DENND2B: variants seen among roughly 807,000 people sequenced by gnomAD.
DENND2B encodes DENN domain-containing protein 2B.
A neutral mutation model predicts 116.0 loss-of-function variants in DENND2B; 32 were observed. That is an observed-to-expected ratio of 0.28 (90% CI 0.21 to 0.37). The LOEUF (loss-of-function observed/expected upper bound fraction) is 0.37. Among genes scored for constraint, DENND2B ranks in the 10% least tolerant of loss-of-function variants. The pLI is 1.00. For missense variants in DENND2B, 1,276 were observed against 1,477.7 expected (o/e 0.86, Z 2.24); for synonymous variants, 588 against 583.9 (o/e 1.01, Z -0.10).
chr11:8,771,905 G>C (rs1257464954), intron 1 of DENND2B: 2 of 152,078 alleles, frequency 1.3e-5, no homozygotes, highest in Non-Finnish European at 1.5e-5. Flanking sequence ...CATGAGGGTG[G>C]AGCCCTCATG....
At position 8,730,802 on chromosome 11, in the gene DENND2B, C is replaced by A; in HGVS notation, c.488G>T (p.Gly163Val). ...TRTGTRAHSLGIREKISAWEG... is the reference protein window; with the variant it reads ...TRTGTRAHSLVIREKISAWEG... ...CCATGCTGATATCTTCTCCCGGATG[C>A]CCAGGCTGTGGGCGCGGGTACCGGT... Residue 163 changes from glycine to valine, a missense_variant, in exon 3 of 20, where the codon GGC becomes GTC. Physicochemically the swap from Gly to Val is moderately radical, Grantham distance 109 (BLOSUM62 -3). This residue lies in a region of DENND2B where 856 missense variants were observed against 846.6 expected (regional missense o/e 1.01). Coordinates refer to ENST00000313726, the MANE Select transcript of DENND2B (RefSeq NM_213618.2). This position sits in a 1 kb window ranked among gnomAD's most constrained non-coding sequence, Gnocchi z 4.1. 1 of 1,613,136 alleles carries A rather than the reference C, an allele frequency of 6.2e-7. No individual in the cohort carries two copies. Among genetic ancestry groups the A allele is most frequent in the East Asian group, 2.2e-5 (1 of 44,862 alleles).
intron 1 of DENND2B, among the ~76,000 whole-genome samples, chr11:8,769,580 T>A (rs2056500659): frequency 6.6e-6 from 1 of 151,984 alleles, no homozygotes; most frequent in Non-Finnish European, 1.5e-5. Context: ...TTCTAAAAAC[T>A]CCCATAAGCG....
At chr11:8,745,898 T>A (rs760773467) in intron 2 of DENND2B, among the ~76,000 whole-genome samples, 26 of 152,204 alleles carry the variant, frequency 1.7e-4, no homozygotes, top group Non-Finnish European at 3.4e-4. Flanking sequence ...ACCCATAACT[T>A]TCAAGCTACC....
At chr11:8,889,993 A>T (rs2064009934) in intron 1 of DENND2B, among the ~76,000 whole-genome samples, 1 of 152,186 alleles carries the variant, frequency 6.6e-6, no homozygotes, top group South Asian at 2.1e-4. Context: ...GGCACCCCCC[A>T]GTAGGGGCGG....
chr11:8,857,169 C>A (rs1269122303), intron 3 of DENND2B, among the ~76,000 whole-genome samples: 2 of 152,174 alleles, frequency 1.3e-5, no homozygotes, highest in South Asian at 2.1e-4. Flanking sequence ...TAGCCGCATA[C>A]AGAATTAAGG....
chr11:8,855,662 T>A (rs1254120306), intron 3 of DENND2B, among the ~76,000 whole-genome samples: 1 of 151,984 alleles, frequency 6.6e-6, no homozygotes, highest in Non-Finnish European at 1.5e-5. Flanking sequence ...TCTTTGGGAT[T>A]ACATGGCAAC....
At chr11:8,843,761 G>C (rs1027012989) in intron 3 of DENND2B, among the ~76,000 whole-genome samples, 7 of 152,138 alleles carry the variant, frequency 4.6e-5, no homozygotes, top group African/African-American at 1.7e-4. Context: ...GGTTGATCCT[G>C]ATATTCTCTA....
rs2064042328 is a variant in DENND2B, at chr11:8,892,162, A to G, written c.-255-11053T>C. Among the ~76,000 whole-genome samples, 4 of 152,240 alleles carry G rather than the reference A, an allele frequency of 2.6e-5. No homozygotes were observed. The South Asian group carries it at 8.3e-4, about 32-fold the overall frequency. On this transcript the variant is annotated intron_variant, in intron 1 of 22. Transcript: ENST00000534127. The stretch of plus-strand genomic sequence containing the variant: ...GACTACTGGGTACATAATGAAATGA[A>G]GGCAGAAATAAAGATGTTCTTTGAA...
chr11:8,849,731 G>A (rs1001473843), intron 3 of DENND2B, among the ~76,000 whole-genome samples: 2 of 151,288 alleles, frequency 1.3e-5, no homozygotes, highest in Non-Finnish European at 2.9e-5. Flanking sequence ...GCTGAGGCAG[G>A]AGAATTGCTT....
chr11:8,893,096 C>T (rs561226607), intron 1 of DENND2B, among the ~76,000 whole-genome samples: 3,528 of 152,228 alleles, frequency 0.023, 48 homozygotes, highest in Middle Eastern at 0.034. Flanking sequence ...GTTCAACATA[C>T]GCAAATCAAT....
intron 1 of DENND2B, among the ~76,000 whole-genome samples, chr11:8,760,812 T>C (rs2054475288): frequency 6.6e-6 from 1 of 152,176 alleles, no homozygotes; most frequent in Non-Finnish European, 1.5e-5. Context: ...GTGAGCCTGG[T>C]CAAGTGGAGA....
chr11:8,898,424 A>C (rs774494990), intron 1 of DENND2B, among the ~76,000 whole-genome samples: 2 of 152,218 alleles, frequency 1.3e-5, no homozygotes, highest in Non-Finnish European at 2.9e-5. Context: ...GAAAAAATTA[A>C]GAAAAGATGT....
chr11:8,859,735 T>G (rs947940903), intron 2 of DENND2B, among the ~76,000 whole-genome samples: 2 of 152,200 alleles, frequency 1.3e-5, no homozygotes, highest in Non-Finnish European at 2.9e-5. Flanking sequence ...AATTATAAGT[T>G]ATATCCTCAG....
intron 2 of DENND2B, among the ~76,000 whole-genome samples, chr11:8,732,872 T>C (rs2048349246): frequency 6.6e-6 from 1 of 152,222 alleles, no homozygotes; most frequent in African/African-American, 2.4e-5. Context: ...CGGAATGCCA[T>C]GCTATCCACA....
rs775228700 is a variant in DENND2B at position 8,719,211 on chromosome 11, A to G, written c.1478-1319T>C. The G allele has an allele frequency of 2.3e-4, 224 of 985,362 alleles. 2 individuals carry two copies. The highest frequency in any genetic ancestry group is 5.2e-4 in the Middle Eastern group (1 of 1,936). The allele number at this position is 985,362 out of a possible 1,614,324, so 61.0% of individuals were successfully genotyped here. A position where few individuals can be genotyped will look rare whatever the true frequency, so the allele number is the denominator to read the frequency against. On this transcript the variant is annotated intron_variant, in intron 4 of 19. Transcript: ENST00000313726. ...GCTTTCCTAGAGAGGACACGGGAGA[A>G]GAGCCAATCCCTATATGCTTGCAGA...
chr11:8,747,714 C>T (rs1019857594), intron 2 of DENND2B, among the ~76,000 whole-genome samples: 7 of 152,098 alleles, frequency 4.6e-5, no homozygotes, highest in African/African-American at 7.2e-5. Flanking sequence ...TCAACAAAAG[C>T]GAAGACAAGG....
chr11:8,801,143 T>C (rs1443995404), intron 1 of DENND2B, among the ~76,000 whole-genome samples: 1 of 151,884 alleles, frequency 6.6e-6, no homozygotes, highest in East Asian at 1.9e-4. Context: ...CTGTTGTTCA[T>C]ACAACACATA....
At chr11:8,854,352 C>T (rs2063122382) in intron 3 of DENND2B, among the ~76,000 whole-genome samples, 2 of 151,930 alleles carry the variant, frequency 1.3e-5, no homozygotes, top group African/African-American at 2.4e-5. Flanking sequence ...CAGGCGTGCA[C>T]CACCACGACC....
At chr11:8,880,634 A>G (rs1432088511) in intron 2 of DENND2B, among the ~76,000 whole-genome samples, 1 of 152,164 alleles carries the variant, frequency 6.6e-6, no homozygotes, top group African/African-American at 2.4e-5. Flanking sequence ...GCTTGAAGCT[A>G]GGAGTTCGAG....
Sources: gnomAD v4.1 joint callset for allele counts (sites outside exome capture counted in the v4.1 genomes callset) on GRCh38, gnomAD v4.1.1 for gene constraint, gnomAD v4.1.1 regional missense constraint, Gnocchi (gnomAD v3.1) non-coding constraint, MANE v1.5 for transcripts, NCBI Gene and HGNC (gene_info 2026-07-23, HGNC 2026-07-21) for gene names.